Variants in DMD observed in about 807,000 individuals in gnomAD.
DMD encodes the protein dystrophin, also known as mutant dystrophin.
Under a neutral mutation model 330.1 loss-of-function variants are expected in DMD, and 63 were observed. The observed-to-expected ratio is 0.19, with a 90% CI of 0.16 to 0.24. DMD has a LOEUF of 0.24. Ranked by LOEUF, DMD falls within the 10% of genes least tolerant of loss-of-function variation. The pLI is 1.00. For synonymous variants in DMD, 1,223 were observed against 959.8 expected, an observed-to-expected ratio of 1.27 and a Z score of -5.07; for missense variants, 3,344 against 2,684.1, an observed-to-expected ratio of 1.25 and a Z score of -5.43.
intron 44 of DMD, among the ~76,000 whole-genome samples, chrX:32,093,175 G>A (rs1157111756): frequency 1.8e-5 from 2 of 112,165 alleles, no homozygotes; most frequent in East Asian, 2.8e-4. Context: ...ATACTTAACA[G>A]CTGAGAAGAA....
At chrX:31,503,856 G>C (rs1217704522) in intron 56 of DMD, among the ~76,000 whole-genome samples, 2 of 110,522 alleles carry the variant, frequency 1.8e-5, no homozygotes, top group Non-Finnish European at 3.8e-5. Context: ...GGTGAGAAAG[G>C]AACTGGAGGC....
At chrX:31,346,979 G>GC (rs2058112587) in intron 61 of DMD, among the ~76,000 whole-genome samples, 1 of 77,280 alleles carries the variant, frequency 1.3e-5, no homozygotes, top group African/African-American at 5.4e-5. Flanking sequence ...CACAGCCTGG[G>GC]TGACAGAATG....
chrX:32,451,314 A>G (rs906910478), intron 26 of DMD, among the ~76,000 whole-genome samples: 4 of 111,377 alleles, frequency 3.6e-5, no homozygotes. Context: ...TGTAGTGATT[A>G]TACAAATTTA....
intron 41 of DMD, among the ~76,000 whole-genome samples, chrX:32,333,783 T>C (rs1011001748): frequency 9.0e-6 from 1 of 110,836 alleles, no homozygotes; most frequent in Non-Finnish European, 1.9e-5. Context: ...TTCACCTCTA[T>C]ATTATGTGTT....
chrX:33,292,154 C>A (rs1025624725), intron 1 of DMD, among the ~76,000 whole-genome samples: 1 of 111,095 alleles, frequency 9.0e-6, no homozygotes, highest in Non-Finnish European at 1.9e-5. Flanking sequence ...CCTACATCAC[C>A]TTTAAAACCA....
chrX:33,090,241 C>T (rs921162263), intron 1 of DMD, among the ~76,000 whole-genome samples: 2 of 109,692 alleles, frequency 1.8e-5, no homozygotes, highest in African/African-American at 6.6e-5. Context: ...TTCATGTCTC[C>T]ATAAAAACCC....
chrX:33,300,282 C>T (rs2053643275), intron 1 of DMD, among the ~76,000 whole-genome samples: 1 of 112,338 alleles, frequency 8.9e-6, no homozygotes, highest in Admixed American at 9.5e-5. Context: ...AATGCTTGTA[C>T]TAGTTTAAAG....
chrX:32,053,363 ACTT>A (rs10525736), intron 44 of DMD, among the ~76,000 whole-genome samples: 42,056 of 109,209 alleles, frequency 0.39, 7,063 homozygotes, highest in African/African-American at 0.64. Context: ...TCTTTCCTAT[ACTT>A]CTTTTTATCA....
At chrX:32,479,346 C>A (rs1167638351) in intron 21 of DMD, among the ~76,000 whole-genome samples, 2 of 110,665 alleles carry the variant, frequency 1.8e-5, no homozygotes, top group Non-Finnish European at 3.8e-5. Context: ...TAACTGTGTC[C>A]ACCACGCAGT....
chrX:32,732,130 G>A (rs555211995), intron 7 of DMD, among the ~76,000 whole-genome samples: 2 of 111,801 alleles, frequency 1.8e-5, no homozygotes, highest in South Asian at 7.6e-4. Context: ...AGCCTCAGGA[G>A]CCGATGCGAT....
intron 44 of DMD, among the ~76,000 whole-genome samples, chrX:32,069,100 G>A (rs2096279014): frequency 9.0e-6 from 1 of 111,608 alleles, no homozygotes; most frequent in South Asian, 3.7e-4. Context: ...TCGTAGGCAT[G>A]TATGTAAAAT....
chrX:31,495,111 A>G (rs6631317), intron 57 of DMD, among the ~76,000 whole-genome samples: 23,386 of 109,145 alleles, frequency 0.21, 2,056 homozygotes, highest in South Asian at 0.45. Flanking sequence ...ATATGAAGGC[A>G]AATGGCTAAA....
intron 53 of DMD, among the ~76,000 whole-genome samples, chrX:31,670,873 T>C (rs2081727415): frequency 2.7e-5 from 3 of 111,270 alleles, no homozygotes; most frequent in Admixed American, 9.5e-5. Context: ...TTTTAGTATG[T>C]CTTTTGGGAG....
chrX:32,452,286 A>T (rs1429865410), intron 26 of DMD, among the ~76,000 whole-genome samples: 1 of 48,789 alleles, frequency 2.0e-5, no homozygotes, highest in South Asian at 1.1e-3. Flanking sequence ...TGGAAAAGAA[A>T]GGAAAGGAAA....
intron 18 of DMD, among the ~76,000 whole-genome samples, chrX:32,504,106 C>A: frequency 9.0e-6 from 1 of 111,718 alleles, no homozygotes; most frequent in Middle Eastern, 4.7e-3. Flanking sequence ...ACAAATGGTC[C>A]TGAACAACAC....
chrX:32,190,727 A>T (rs1409106503), intron 44 of DMD, among the ~76,000 whole-genome samples: 1 of 108,130 alleles, frequency 9.2e-6, no homozygotes, highest in Non-Finnish European at 1.9e-5. Context: ...AGGTTAGAAC[A>T]TTCGAAATCT....
rs1410890656 is a variant in DMD at position 32,310,063 on chromosome X, G to A, written c.6117+19C>T. The A allele has an allele frequency of 4.2e-6, 5 of 1,190,083 alleles. No homozygotes were observed. The East Asian group carries it at 1.5e-4, about 35-fold the overall frequency. ...TATGATCACCTTGTAAAATACGAAT[G>A]AAAGTGCTTTGGTTTTACCTTCAGA... On this transcript the variant is annotated intron_variant, in intron 42 of 78. Coordinates refer to ENST00000357033, the MANE Select transcript of DMD (RefSeq NM_004006.3).
In DMD at chrX:33,241,764, G is replaced by A. The variant is rs145667886; in HGVS notation, c.7+97495C>T. On this transcript the variant is annotated intron_variant, in intron 1 of 17. Coordinates refer to the DMD transcript ENST00000288447. ...TGGTTAAATTTATTCCTTTTTTTGT[G>A]GGGGCGGGTGGACAGAGGACAGAGT... is the stretch of plus-strand genomic sequence containing the variant. 2.5e-4 allele frequency among the ~76,000 whole-genome samples: 28 copies of A among 110,528 alleles called. No homozygotes were observed. In the East Asian group the frequency reaches 7.2e-3, roughly 28 times the overall value.
At chrX:31,929,509 C>CG (rs1359827376) in intron 47 of DMD, 87 bp downstream of exon 47, 2 of 1,087,397 alleles carry the variant, frequency 1.8e-6, no homozygotes, top group African/African-American at 3.6e-5. Context: ...GCCTCCTCCC[C>CG]GACCAATGAA....
Sources: gnomAD v4.1 joint callset for allele counts (sites outside exome capture counted in the v4.1 genomes callset) on GRCh38, gnomAD v4.1.1 for gene constraint, MANE v1.5 for transcripts, NCBI Gene and HGNC (gene_info 2026-07-23, HGNC 2026-07-21) for gene names.